LCT: variants seen among roughly 807,000 people sequenced by gnomAD.
The protein encoded by LCT is lactase.
In LCT, 90 loss-of-function variants were observed where a neutral mutation model predicts 173.0. The ratio of observed to expected loss-of-function variants is 0.52; its 90% CI spans 0.44 to 0.62. The LOEUF (loss-of-function observed/expected upper bound fraction) is 0.62. LCT is among the 20% of genes least tolerant of loss of function. The probability of loss-of-function intolerance (pLI) is 0.00; values close to 1 mark genes in which losing one functional copy is unlikely to be tolerated. For missense variants in LCT, 1,864 were observed against 2,431.4 expected, an observed-to-expected ratio of 0.77 and a Z score of 4.91; for synonymous variants, 853 against 957.6, an observed-to-expected ratio of 0.89 and a Z score of 2.02.
rs2077529867 is a variant in LCT, at chr2:135,790,966, C to G, written c.5112-85G>C. 1.0e-6 allele frequency: 1 copy of G among 993,414 alleles called. No homozygotes were observed. Among genetic ancestry groups the G allele is most frequent in the Non-Finnish European group, 1.6e-6 (1 of 626,682 alleles). The allele number at this position is 993,414 out of a possible 1,614,324, so 61.5% of individuals were successfully genotyped here. On this transcript the variant is annotated intron_variant, in intron 14 of 16. Coordinates refer to ENST00000264162, the MANE Select transcript of LCT (RefSeq NM_002299.4). This position sits in a 1 kb window ranked among gnomAD's most constrained non-coding sequence, Gnocchi z 4.1. ...ACGAAACACAAAACAGGACTTAGAC[C>G]AGGAAAAGCCTTAGGTTTTGTCTAG...
chr2:135,826,123 G>A (rs563401357), intron 3 of LCT, among the ~76,000 whole-genome samples: 2 of 152,328 alleles, frequency 1.3e-5, no homozygotes, highest in East Asian at 3.9e-4. Flanking sequence ...CCTACCCAAG[G>A]AAGTAAAAGG....
chr2:135,800,553 G>T (rs969582749), intron 12 of LCT, 54 bp downstream of exon 12: 2 of 1,403,646 alleles, frequency 1.4e-6, no homozygotes, highest in Non-Finnish European at 2.0e-6. Flanking sequence ...TTTCCATTAG[G>T]CTGGAAGGAA....
At position 135,832,988 on chromosome 2, in the gene LCT, C is replaced by T. The variant is rs3754690; in HGVS notation, c.720+123G>A. ...GGTAATTATGAACCTGGAGAACATACACCACTCATTCTGAGGCATTTACAG... is the reference window on the plus strand; with the variant it reads ...GGTAATTATGAACCTGGAGAACATATACCACTCATTCTGAGGCATTTACAG... On this transcript the variant is annotated intron_variant, in intron 2 of 16. Transcript: ENST00000264162. The T allele has an allele frequency of 0.15, 123,432 of 799,250 alleles. 12,485 individuals are homozygous for T. The highest frequency in any genetic ancestry group is 0.31 in the Admixed American group (17,897 of 58,208). The allele number at this position is 799,250 out of a possible 1,614,324, so 49.5% of individuals were successfully genotyped here.
intron 14 of LCT, among the ~76,000 whole-genome samples, chr2:135,791,766 C>T (rs2077534757): frequency 6.6e-6 from 1 of 152,098 alleles, no homozygotes; most frequent in Non-Finnish European, 1.5e-5. Flanking sequence ...TTTCAGGATA[C>T]AGTGGGAGTG....
chr2:135,808,407 G>T, intron 8 of LCT, 36 bp downstream of exon 8: 1 of 1,523,824 alleles, frequency 6.6e-7, no homozygotes, highest in Non-Finnish European at 9.1e-7. Context: ...GGGAATGTTG[G>T]AAGATTTCTT....
In LCT at chr2:135,836,549, G is replaced by C; in HGVS notation, c.621C>G (p.His207Gln). ...DAHRKAYEIY[H>Q]ESYAFQGGKL... ...ACTCACCCTGAAAAGCATAGCTTTC[G>C]TGGTAAATCTCATAGGCTTTTCTGT... Residue 207 changes from histidine (H) to glutamine (Q), a missense_variant, in exon 1 of 17, where the codon CAC becomes CAG. By Grantham distance (24) the His-to-Gln change is conservative (BLOSUM62 0). Around this residue, in one of 4 missense-constraint regions of LCT, gnomAD observed 412 missense variants for 462.0 expected, o/e 0.89. Transcript: ENST00000264162. The C allele has an allele frequency of 6.2e-7, 1 of 1,614,132 alleles. No homozygotes were observed. The highest frequency in any genetic ancestry group is 1.1e-5 in the South Asian group (1 of 91,076).
At chr2:135,813,048 G>A in intron 6 of LCT, 92 bp from the exon 7 acceptor site, 1 of 1,088,242 alleles carries the variant, frequency 9.2e-7, no homozygotes, top group Non-Finnish European at 1.4e-6. Flanking sequence ...CAACAACAAT[G>A]TCAACAAGTC....
chr2:135,788,061 C>G lies in LCT; in HGVS notation c.*263G>C. On this transcript the variant is annotated 3_prime_UTR_variant, in exon 17 of 17. Transcript: ENST00000264162. ...TTCAATTAAGTGGTTCACAGACCCA[C>G]TAGACCAGTATCTACACGTTTCCGC... 1 of 504,798 alleles carries G rather than the reference C, an allele frequency of 2.0e-6. No individual in the cohort carries two copies. Among genetic ancestry groups the G allele is most frequent in the South Asian group, 2.1e-5 (1 of 48,416 alleles). 31.3% of individuals were successfully genotyped at this position (504,798 alleles called of 1,614,324 possible). A position where few individuals can be genotyped will look rare whatever the true frequency, so the allele number is the denominator to read the frequency against.
At chr2:135,814,521 C>CTT (rs112239469) in intron 6 of LCT, among the ~76,000 whole-genome samples, 3 of 144,426 alleles carry the variant, frequency 2.1e-5, no homozygotes, top group African/African-American at 2.5e-5. Flanking sequence ...AATAAAATAC[C>CTT]TTTTTTTTTT....
Position 135,798,009 on chromosome 2 carries a change from T to G in LCT, c.4976+20A>C. On this transcript the variant is annotated intron_variant, in intron 13 of 16. Coordinates refer to ENST00000264162, the MANE Select transcript of LCT (RefSeq NM_002299.4). ...ACCCCGACGCCCATGCCCTCACCACTGCGGGCACCAGGCCCTTACCGAGAC... is the reference window on the plus strand; with the variant it reads ...ACCCCGACGCCCATGCCCTCACCACGGCGGGCACCAGGCCCTTACCGAGAC... 7.0e-7 allele frequency: 1 copy of G among 1,430,594 alleles called. No individual in the cohort carries two copies. The allele number at this position is 1,430,594 out of a possible 1,614,324, so 88.6% of individuals were successfully genotyped here.
At chr2:135,813,003 A>G (rs1226082305) in intron 6 of LCT, 47 bp from the exon 7 acceptor site, 1 of 1,547,794 alleles carries the variant, frequency 6.5e-7, no homozygotes, top group South Asian at 1.1e-5. Flanking sequence ...AATAATAACA[A>G]TGACAACAAC....
At chr2:135,799,596 T>C (rs2077608802) in intron 12 of LCT, among the ~76,000 whole-genome samples, 1 of 152,044 alleles carries the variant, frequency 6.6e-6, no homozygotes, top group Non-Finnish European at 1.5e-5. Context: ...ACTACAGGCA[T>C]GTGCCACCAC....
chr2:135,819,485 G>A (rs1213499284), intron 5 of LCT, among the ~76,000 whole-genome samples: 2 of 152,126 alleles, frequency 1.3e-5, no homozygotes, highest in Non-Finnish European at 2.9e-5. Flanking sequence ...CCATCGTGTG[G>A]AGAGCCGATG....
At chr2:135,826,402 C>G (rs1319793573) in intron 3 of LCT, among the ~76,000 whole-genome samples, 1 of 103,714 alleles carries the variant, frequency 9.6e-6, no homozygotes, top group African/African-American at 3.2e-5. Context: ...GCTACAAATA[C>G]AAAAAAAAAA....
intron 13 of LCT, among the ~76,000 whole-genome samples, chr2:135,795,285 G>A (rs1474415520): frequency 6.6e-6 from 1 of 151,908 alleles, no homozygotes; most frequent in Admixed American, 6.6e-5. Context: ...TCAGCTCACT[G>A]CAACCTCCGC....
intron 2 of LCT, 95 bp from the exon 3 acceptor site, chr2:135,829,771 C>T (rs2077918921): frequency 1.2e-6 from 1 of 835,290 alleles, no homozygotes; most frequent in African/African-American, 1.7e-5. Flanking sequence ...CCCCTTATCA[C>T]TAAACCAAAT....
Position 135,789,775 on chromosome 2 carries a change from G to A in LCT, c.5359C>T (p.Arg1787Ter), listed in dbSNP as rs548104619. The A allele has an allele frequency of 7.4e-6, 12 of 1,613,940 alleles. No homozygotes were observed. Among genetic ancestry groups the A allele is most frequent in the Admixed American group, 1.7e-5 (1 of 59,996 alleles). The part of the protein sequence containing the change: ...LKAVQDKVDL[R>*]GYTVWSAMDN... ...ATCGCACTCCAAACTGTGTATCCTC[G>A]AAGGTCCACCTTGTCCTGCACAGCT... is the stretch of plus-strand genomic sequence containing the variant. Residue 1787 changes from arginine (R) to a stop codon, truncating the protein, a stop_gained, in exon 16 of 17, where the codon CGA (arginine) becomes TGA (stop). Coordinates refer to ENST00000264162, the MANE Select transcript of LCT (RefSeq NM_002299.4). LOFTEE classifies it high-confidence loss of function.
At chr2:135,801,277 A>T (rs781672669) in intron 11 of LCT, among the ~76,000 whole-genome samples, 2 of 152,230 alleles carry the variant, frequency 1.3e-5, no homozygotes, top group African/African-American at 2.4e-5. Flanking sequence ...CTAAAGGTGA[A>T]GTGTGACATT....
chr2:135,828,901 A>C (rs2077908951), intron 3 of LCT, among the ~76,000 whole-genome samples: 1 of 151,972 alleles, frequency 6.6e-6, no homozygotes, highest in Non-Finnish European at 1.5e-5. Context: ...ATAAAGAAGA[A>C]ATTTACAGGC....
Sources: allele counts gnomAD v4.1 joint callset (sites outside exome capture counted in the v4.1 genomes callset), GRCh38; gene constraint gnomAD v4.1.1; regional missense constraint gnomAD v4.1.1; non-coding constraint Gnocchi (gnomAD v3.1); transcripts MANE v1.5; gene names NCBI Gene and HGNC (gene_info 2026-07-23, HGNC 2026-07-21).